RP9: variants seen among roughly 807,000 people sequenced by gnomAD.
The protein encoded by RP9 is retinitis pigmentosa 9 protein.
A neutral mutation model predicts 32.6 loss-of-function variants in RP9; 23 were observed. The ratio of observed to expected loss-of-function variants is 0.71; its 90% CI spans 0.51 to 1.00. The LOEUF is 1.00. Ranked by LOEUF, RP9 falls within the 50% of genes least tolerant of loss-of-function variation. The pLI is 0.00. For synonymous variants in RP9, 94 were observed against 103.6 expected (o/e 0.91, Z 0.56); for missense variants, 245 against 285.3 (o/e 0.86, Z 1.02).
chr7:33,107,267 T>C (rs565143206), intron 1 of RP9, among the ~76,000 whole-genome samples: 1 of 152,348 alleles, frequency 6.6e-6, no homozygotes, highest in South Asian at 2.1e-4. Flanking sequence ...GGTTCAGCTC[T>C]AGATTTGCTG....
At chr7:33,097,127 C>T (rs1367867869) in intron 4 of RP9, 144 bp downstream of exon 4, 1 of 659,520 alleles carries the variant, frequency 1.5e-6, no homozygotes, top group Non-Finnish European at 2.7e-6. Context: ...ATTTAATAAG[C>T]ATGTAGTTAA....
intron 1 of RP9, among the ~76,000 whole-genome samples, chr7:33,102,766 T>C (rs1031825389): frequency 6.6e-6 from 1 of 152,236 alleles, no homozygotes; most frequent in Admixed American, 6.5e-5. Context: ...TCCAAGGGGC[T>C]GCGTGGCAGA....
chr7:33,096,312 G>A (rs1330457941), intron 5 of RP9, among the ~76,000 whole-genome samples, 181 bp downstream of exon 5: 3 of 152,192 alleles, frequency 2.0e-5, no homozygotes, highest in Admixed American at 1.3e-4. Flanking sequence ...CAAGGAGGAG[G>A]AGGCTGGCCT....
chr7:33,103,183 C>T (rs1788452929), intron 1 of RP9, among the ~76,000 whole-genome samples: 1 of 152,196 alleles, frequency 6.6e-6, no homozygotes, highest in African/African-American at 2.4e-5. Flanking sequence ...GAAGAAGTAA[C>T]ACTTTTCAGA....
chr7:33,104,409 T>C (rs762624606), intron 1 of RP9, among the ~76,000 whole-genome samples: 2 of 151,628 alleles, frequency 1.3e-5, no homozygotes, highest in Non-Finnish European at 2.9e-5. Flanking sequence ...CCCCATGACA[T>C]GAGTTTACCT....
At position 33,109,104 on chromosome 7, in the gene RP9, C is replaced by G. The variant is rs993879133; in HGVS notation, c.152+117G>C. The G allele has an allele frequency of 7.3e-7, 1 of 1,376,550 alleles. No individual in the cohort carries two copies. The highest frequency in any genetic ancestry group is 1.5e-5 in the African/African-American group (1 of 65,120). The allele number at this position is 1,376,550 out of a possible 1,614,324, so 85.3% of individuals were successfully genotyped here. On this transcript the variant is annotated intron_variant, in intron 1 of 5. Coordinates refer to ENST00000297157, the MANE Select transcript of RP9 (RefSeq NM_203288.2). This position sits in a 1 kb window ranked among gnomAD's most constrained non-coding sequence, Gnocchi z 4.9. Reference sequence around the variant, plus strand: ...CACCAGGCTCCTGCCGGGCCCAGCCCCCCTGCCTGCTCGCGGGGGCTCGGA... The same window carrying G: ...CACCAGGCTCCTGCCGGGCCCAGCCGCCCTGCCTGCTCGCGGGGGCTCGGA...
intron 1 of RP9, among the ~76,000 whole-genome samples, chr7:33,102,189 C>T (rs971899035): frequency 2.6e-5 from 4 of 152,090 alleles, no homozygotes; most frequent in Non-Finnish European, 4.4e-5. Context: ...TGTTGTTTCC[C>T]GGGGCTGAAC....
chr7:33,095,497 T>TTCA (rs1343451407), intron 5 of RP9, 65 bp from the exon 6 acceptor site: 1 of 1,602,146 alleles, frequency 6.2e-7, no homozygotes, highest in Non-Finnish European at 8.5e-7. Context: ...GTTGCTTAGA[T>TTCA]AAATATGTCA....
intron 1 of RP9, among the ~76,000 whole-genome samples, chr7:33,107,656 C>G (rs1206725769): frequency 6.6e-6 from 1 of 152,210 alleles, no homozygotes; most frequent in Non-Finnish European, 1.5e-5. Flanking sequence ...GGAAAAAGAG[C>G]AGGCCAGGTC....
At position 33,109,382 on chromosome 7, in the gene RP9, C is replaced by A. The variant is rs1423000901; in HGVS notation, c.-10G>T. The A allele has an allele frequency of 1.6e-6, 2 of 1,263,326 alleles. No individual in the cohort carries two copies. Among genetic ancestry groups the A allele is most frequent in the African/African-American group, 1.6e-5 (1 of 63,114 alleles). The allele number at this position is 1,263,326 out of a possible 1,614,324, so 78.3% of individuals were successfully genotyped here. Reference sequence around the variant, plus strand: ...CAGGCCGGGACGACATGTCAGCCCCCGCAGCGCCGCTCGGGCAACCCCCGC... The same window carrying A: ...CAGGCCGGGACGACATGTCAGCCCCAGCAGCGCCGCTCGGGCAACCCCCGC... On this transcript the variant is annotated 5_prime_UTR_variant, in exon 1 of 6. Transcript: ENST00000297157. This position sits in a 1 kb window ranked among gnomAD's most constrained non-coding sequence, Gnocchi z 4.9.
chr7:33,097,285 C>T lies in RP9; in HGVS notation c.391G>A (p.Glu131Lys), dbSNP rs1387907372. The stretch of plus-strand genomic sequence containing the variant: ...ACTTTACTTACCACTCTGAACTGCT[C>T]TAACTTTTGGTTGCCTTTGATAAAG... ...PFFIKGNQKL[E>K]QFRVAHEDPM... The change falls in exon 4 of 6, where the codon GAG becomes AAG. Residue 131 changes from glutamate to lysine, a missense_variant. Transcript: ENST00000297157. The T allele has an allele frequency of 6.2e-7, 1 of 1,613,184 alleles. No individual in the cohort carries two copies. Among genetic ancestry groups the T allele is most frequent in the African/African-American group, 1.3e-5 (1 of 74,916 alleles).
chr7:33,100,706 C>T (rs781001084), intron 1 of RP9, 145 bp from the exon 2 acceptor site: 1 of 742,084 alleles, frequency 1.3e-6, no homozygotes, highest in Non-Finnish European at 2.4e-6. Flanking sequence ...CAAGCAATCA[C>T]CTGAGAAGAG....
chr7:33,096,922 T>C (rs1331215566), intron 4 of RP9, among the ~76,000 whole-genome samples: 1 of 152,196 alleles, frequency 6.6e-6, no homozygotes, highest in African/African-American at 2.4e-5. Context: ...ATGTACTCTT[T>C]AAAGACCGGG....
chr7:33,102,524 T>C (rs1788440474), intron 1 of RP9, among the ~76,000 whole-genome samples: 1 of 152,240 alleles, frequency 6.6e-6, no homozygotes, highest in African/African-American at 2.4e-5. Flanking sequence ...TGCATTATTT[T>C]GTGCCATCTG....
intron 3 of RP9, among the ~76,000 whole-genome samples, chr7:33,098,041 G>T (rs535731483): frequency 5.3e-5 from 8 of 152,172 alleles, no homozygotes; most frequent in Non-Finnish European, 1.2e-4. Context: ...CTCAGGTTGA[G>T]TCTGTTCAAA....
intron 1 of RP9, among the ~76,000 whole-genome samples, chr7:33,107,938 G>A (rs1290459859): frequency 6.6e-6 from 1 of 152,182 alleles, no homozygotes; most frequent in Non-Finnish European, 1.5e-5. Flanking sequence ...AGAAATAGCT[G>A]GATTCCATAC....
rs770742932 is a variant in RP9 at position 33,099,447 on chromosome 7, G to A, written c.184-11C>T. The A allele has an allele frequency of 2.5e-6, 4 of 1,613,460 alleles. No homozygotes were observed. In the African/African-American group the frequency reaches 5.3e-5, roughly 22 times the overall value. The stretch of plus-strand genomic sequence containing the variant: ...CTTAGTCTCATCTTCCTAAAAAAGG[G>A]AACAGGTATAAACAGCATGGCAAGA... On this transcript the variant is annotated splice_polypyrimidine_tract_variant and intron_variant, in intron 2 of 5. Coordinates refer to ENST00000297157, the MANE Select transcript of RP9 (RefSeq NM_203288.2).
chr7:33,104,676 G>A (rs1361250016), intron 1 of RP9, among the ~76,000 whole-genome samples: 1 of 152,144 alleles, frequency 6.6e-6, no homozygotes, highest in Non-Finnish European at 1.5e-5. Flanking sequence ...GAAAATTGTT[G>A]TTACTATTTT....
chr7:33,105,924 T>C (rs1429692950), intron 1 of RP9, among the ~76,000 whole-genome samples: 1 of 152,186 alleles, frequency 6.6e-6, no homozygotes, highest in Admixed American at 6.5e-5. Flanking sequence ...TGTTGACCTA[T>C]TTTTTGTTAT....
Sources: gnomAD v4.1 joint callset for allele counts (sites outside exome capture counted in the v4.1 genomes callset) on GRCh38, gnomAD v4.1.1 for gene constraint, Gnocchi (gnomAD v3.1) non-coding constraint, MANE v1.5 for transcripts, NCBI Gene and HGNC (gene_info 2026-07-23, HGNC 2026-07-21) for gene names.